The following SCHIP1 variants were observed in gnomAD, a reference collection of about 807,000 sequenced individuals.
The protein encoded by SCHIP1 is schwannomin-interacting protein 1.
Under a neutral mutation model 29.7 loss-of-function variants are expected in SCHIP1, and 8 were observed. That is an observed-to-expected ratio of 0.27 (90% CI 0.16 to 0.49). SCHIP1 has a LOEUF of 0.49. Among genes scored for constraint, SCHIP1 ranks in the 20% least tolerant of loss-of-function variants. The probability of loss-of-function intolerance (pLI) is 0.99; values close to 1 mark genes in which losing one functional copy is unlikely to be tolerated. For missense variants in SCHIP1, 193 were observed against 294.6 expected (o/e 0.66, Z 2.52); for synonymous variants, 76 against 94.9 (o/e 0.80, Z 1.16).
chr3:159,457,073 A>C, the SCHIP1 span, among the ~76,000 whole-genome samples: 1 of 152,160 alleles, frequency 6.6e-6, no homozygotes, highest in African/African-American at 2.4e-5. Flanking sequence ...AAAAGCTTGC[A>C]TATGCCATTT....
At chr3:159,634,838 C>A in the SCHIP1 span, among the ~76,000 whole-genome samples, 1 of 152,112 alleles carries the variant, frequency 6.6e-6, no homozygotes, top group East Asian at 1.9e-4. Flanking sequence ...TATTTTGCAG[C>A]AACTGTCATC....
At chr3:159,666,972 T>C in the SCHIP1 span, among the ~76,000 whole-genome samples, 1 of 152,236 alleles carries the variant, frequency 6.6e-6, no homozygotes, top group Non-Finnish European at 1.5e-5. Context: ...TTCAGTTTTC[T>C]GGCCTGTAAA....
the SCHIP1 span, among the ~76,000 whole-genome samples, chr3:159,648,403 A>G: frequency 6.0e-3 from 919 of 152,262 alleles, 5 homozygotes; most frequent in Non-Finnish European, 9.7e-3. Flanking sequence ...CCAACTCTAA[A>G]TCTTAGTTTC....
At chr3:159,519,599 A>G in the SCHIP1 span, among the ~76,000 whole-genome samples, 10 of 152,314 alleles carry the variant, frequency 6.6e-5, no homozygotes, top group South Asian at 2.1e-3. Context: ...AATACATAAA[A>G]ACTTTTAAAA....
At chr3:159,852,254 A>G (rs1269518336) in intron 1 of SCHIP1, among the ~76,000 whole-genome samples, 1 of 152,218 alleles carries the variant, frequency 6.6e-6, no homozygotes, top group East Asian at 1.9e-4. Flanking sequence ...AAATTTATTG[A>G]CTAGTATACT....
the SCHIP1 span, among the ~76,000 whole-genome samples, chr3:159,279,284 G>A: frequency 1.3e-5 from 2 of 152,160 alleles, no homozygotes; most frequent in Non-Finnish European, 2.9e-5. Context: ...ACACGCTCTT[G>A]CCTGCTGCCA....
the SCHIP1 span, among the ~76,000 whole-genome samples, chr3:159,784,135 G>GT: frequency 6.6e-6 from 1 of 152,208 alleles, no homozygotes; most frequent in African/African-American, 2.4e-5. Context: ...CCAATGAATT[G>GT]TAACAAGCTG....
At chr3:159,469,192 TA>T in the SCHIP1 span, among the ~76,000 whole-genome samples, 2 of 152,144 alleles carry the variant, frequency 1.3e-5, no homozygotes, top group African/African-American at 4.8e-5. Flanking sequence ...CATTTAATAT[TA>T]AGCCAAAATG....
the SCHIP1 span, among the ~76,000 whole-genome samples, chr3:159,572,798 C>G: frequency 2.0e-5 from 3 of 152,140 alleles, no homozygotes; most frequent in Non-Finnish European, 4.4e-5. Flanking sequence ...CTGGGTGCTC[C>G]TGTATTGGGT....
chr3:159,425,132 A>G, the SCHIP1 span, among the ~76,000 whole-genome samples: 9 of 152,082 alleles, frequency 5.9e-5, no homozygotes, highest in African/African-American at 2.2e-4. Context: ...AACTGCATCA[A>G]CTAACGAGCA....
intron 6 of SCHIP1, 44 bp from the exon 8 acceptor site, chr3:159,896,679 A>G (rs919181432): frequency 6.6e-6 from 10 of 1,524,046 alleles, no homozygotes; most frequent in African/African-American, 2.8e-5. Context: ...AGCAGTTTGG[A>G]TCTCTCTACA....
chr3:159,510,580 T>C, the SCHIP1 span, among the ~76,000 whole-genome samples: 1 of 152,242 alleles, frequency 6.6e-6, no homozygotes. Flanking sequence ...TGCTCTGTTT[T>C]TTCCCCATCT....
chr3:159,424,246 TA>T, the SCHIP1 span, among the ~76,000 whole-genome samples: 1 of 151,792 alleles, frequency 6.6e-6, no homozygotes, highest in Non-Finnish European at 1.5e-5. Context: ...AACTACGAAC[TA>T]CAGGAGGAAA....
the SCHIP1 span, among the ~76,000 whole-genome samples, chr3:159,380,445 G>C: frequency 6.6e-6 from 1 of 151,936 alleles, no homozygotes; most frequent in Non-Finnish European, 1.5e-5. Flanking sequence ...GACATGACAT[G>C]GTCAGATAGA....
At chr3:159,507,845 G>T in the SCHIP1 span, among the ~76,000 whole-genome samples, 3 of 152,202 alleles carry the variant, frequency 2.0e-5, no homozygotes, top group Non-Finnish European at 2.9e-5. Context: ...TAAGCTTTTT[G>T]ATGTCCTGCT....
At chr3:159,609,147 G>A in the SCHIP1 span, among the ~76,000 whole-genome samples, 305 of 152,278 alleles carry the variant, frequency 2.0e-3, 1 homozygote, top group African/African-American at 6.8e-3. Context: ...GAAGACAAGT[G>A]CAGTGGCTAA....
chr3:159,798,878 T>C, the SCHIP1 span, among the ~76,000 whole-genome samples: 12,626 of 152,306 alleles, frequency 0.083, 1,328 homozygotes, highest in East Asian at 0.45. Context: ...TTACTAAATC[T>C]GAGCTTTTAA....
chr3:159,448,886 C>T, the SCHIP1 span, among the ~76,000 whole-genome samples: 4 of 152,166 alleles, frequency 2.6e-5, no homozygotes, highest in African/African-American at 9.7e-5. Context: ...GCATGACAGC[C>T]AGGAATTGAA....
At chr3:159,337,342 G>A in the SCHIP1 span, among the ~76,000 whole-genome samples, 4 of 152,072 alleles carry the variant, frequency 2.6e-5, no homozygotes, top group African/African-American at 7.2e-5. Context: ...GGAAGTTCTG[G>A]CCAGGGCAGT....
Sources: allele counts gnomAD v4.1 joint callset (sites outside exome capture counted in the v4.1 genomes callset), GRCh38; gene constraint gnomAD v4.1.1; transcripts MANE v1.5; gene names NCBI Gene and HGNC (gene_info 2026-07-23, HGNC 2026-07-21).